PLXNA4: variants seen among roughly 807,000 people sequenced by gnomAD.
PLXNA4 encodes the protein plexin A4.
PLXNA4 carries 44 observed loss-of-function variants against 191.8 expected under a neutral mutation model. The observed-to-expected ratio is 0.23, with a 90% CI of 0.18 to 0.29. The LOEUF (loss-of-function observed/expected upper bound fraction) is 0.29. Among genes scored for constraint, PLXNA4 ranks in the 10% least tolerant of loss-of-function variants. The probability of loss-of-function intolerance (pLI) is 1.00; values close to 1 mark genes in which losing one functional copy is unlikely to be tolerated. For synonymous variants in PLXNA4, 1,082 were observed against 1,009.5 expected (o/e 1.07, Z -1.36); for missense variants, 1,800 against 2,488.8 (o/e 0.72, Z 5.89).
intron 3 of PLXNA4, among the ~76,000 whole-genome samples, chr7:132,479,271 T>TG (rs1489711937): frequency 4.3e-5 from 6 of 140,480 alleles, no homozygotes; most frequent in Non-Finnish European, 7.6e-5. Context: ...CCTATCTCTT[T>TG]GGGAAAAAAA....
chr7:132,455,159 T>C (rs1461342221), intron 3 of PLXNA4, among the ~76,000 whole-genome samples: 1 of 152,182 alleles, frequency 6.6e-6, no homozygotes, highest in African/African-American at 2.4e-5. Context: ...CTGGCAGGTA[T>C]CTGTGGTCAT....
At chr7:132,456,614 T>C (rs1303887126) in intron 3 of PLXNA4, among the ~76,000 whole-genome samples, 1 of 150,170 alleles carries the variant, frequency 6.7e-6, no homozygotes, top group Admixed American at 6.7e-5. Flanking sequence ...GACGAGAAGA[T>C]AACGACTCAG....
Position 132,125,047 on chromosome 7 carries a change from AAACT to A in PLXNA4, c.*5428_*5431del, listed in dbSNP as rs1344227597. 2 of 152,160 alleles carry A rather than the reference AAACT, an allele frequency of 1.3e-5. No homozygotes were observed. Among genetic ancestry groups the A allele is most frequent in the Non-Finnish European group, 2.9e-5 (2 of 68,018 alleles). The allele number at this position is 152,160 out of a possible 1,614,324, so 9.4% of individuals were successfully genotyped here. A position where few individuals can be genotyped will look rare whatever the true frequency, so the allele number is the denominator to read the frequency against. On this transcript the variant is annotated 3_prime_UTR_variant, in exon 32 of 32. Coordinates refer to ENST00000321063, the MANE Select transcript of PLXNA4 (RefSeq NM_020911.2). ...GCAAAAATTTGTAGTAAAAAAAAAA[AAACT>A]CTCTCTTGCATGTCTGAAACTTTTA...
intron 25 of PLXNA4, among the ~76,000 whole-genome samples, chr7:132,151,339 GAGGAGGAGGAAGAAGA>G (rs1256255146): frequency 2.1e-5 from 2 of 96,610 alleles, no homozygotes; most frequent in Non-Finnish European, 2.5e-5. Flanking sequence ...GAAGAAGGAG[GAGGAGGAGGAAGAAGA>G]AGGAGGAGGA....
chr7:132,143,615 G>T (rs556331237), intron 29 of PLXNA4, among the ~76,000 whole-genome samples: 1 of 152,316 alleles, frequency 6.6e-6, no homozygotes, highest in South Asian at 2.1e-4. Flanking sequence ...CTCACTAACA[G>T]AAGCAGATTG....
At chr7:132,453,727 A>C (rs922127909) in intron 3 of PLXNA4, among the ~76,000 whole-genome samples, 1 of 152,106 alleles carries the variant, frequency 6.6e-6, no homozygotes, top group African/African-American at 2.4e-5. Flanking sequence ...TTTTTAGTAG[A>C]GATGGGGTTT....
intron 20 of PLXNA4, among the ~76,000 whole-genome samples, chr7:132,178,733 T>TACACAC: frequency 2.5e-5 from 1 of 39,608 alleles, no homozygotes; most frequent in South Asian, 1.3e-3. Flanking sequence ...CACACACACT[T>TACACAC]GTAAATGAAA....
chr7:132,342,405 C>A (rs1025185488), intron 3 of PLXNA4, among the ~76,000 whole-genome samples: 2 of 151,622 alleles, frequency 1.3e-5, no homozygotes, highest in Non-Finnish European at 2.9e-5. Flanking sequence ...AAATAAGAAG[C>A]TTCTGTGATT....
chr7:132,372,716 A>G (rs762921442), intron 3 of PLXNA4, among the ~76,000 whole-genome samples: 2 of 152,250 alleles, frequency 1.3e-5, no homozygotes, highest in African/African-American at 4.8e-5. Flanking sequence ...TCCAGCACCT[A>G]GTAGTGTCTG....
At chr7:132,506,986 T>C (rs997756746) in intron 2 of PLXNA4, among the ~76,000 whole-genome samples, 1 of 152,190 alleles carries the variant, frequency 6.6e-6, no homozygotes, top group Non-Finnish European at 1.5e-5. Flanking sequence ...CCTAAAGACA[T>C]ACAAAGGGCT....
chr7:132,340,727 G>C (rs1223947699), intron 3 of PLXNA4, among the ~76,000 whole-genome samples: 2 of 152,236 alleles, frequency 1.3e-5, no homozygotes, highest in South Asian at 2.1e-4. Flanking sequence ...GCCCAGGCTA[G>C]AGTGCAGTGA....
At chr7:132,322,184 C>CTTTTTTTTTGTTTTTTTTTTTTTTT (rs1802195838) in intron 3 of PLXNA4, among the ~76,000 whole-genome samples, 1 of 122,520 alleles carries the variant, frequency 8.2e-6, no homozygotes, top group African/African-American at 3.0e-5. Context: ...CCTAAAAGGG[C>CTTTTTTTTTGTTTTTTTTTTTTTTT]TTTTTTTTTT....
intron 2 of PLXNA4, among the ~76,000 whole-genome samples, chr7:132,503,932 A>C (rs559961979): frequency 6.6e-6 from 1 of 152,322 alleles, no homozygotes; most frequent in South Asian, 2.1e-4. Context: ...GGGGTAAAGC[A>C]TGGCTCAGAG....
At chr7:132,615,927 ATCTCTCTCTC>A (rs370549958) in intron 2 of PLXNA4, among the ~76,000 whole-genome samples, 105 of 83,776 alleles carry the variant, frequency 1.3e-3, no homozygotes, top group African/African-American at 3.6e-3. Context: ...CAGATAAAGG[ATCTCTCTCTC>A]TCTCTCTCTC....
chr7:132,172,547 A>G (rs1796320233), intron 21 of PLXNA4, among the ~76,000 whole-genome samples: 1 of 150,230 alleles, frequency 6.7e-6, no homozygotes, highest in Admixed American at 6.7e-5. Context: ...TTAGAACACC[A>G]AGGGGGAGAA....
intron 12 of PLXNA4, among the ~76,000 whole-genome samples, chr7:132,199,635 C>T (rs1584832298): frequency 6.6e-6 from 1 of 152,140 alleles, no homozygotes; most frequent in East Asian, 1.9e-4. Context: ...ATGGAAGGAG[C>T]CCAGAGAGTC....
In PLXNA4 at chr7:132,124,123, C is replaced by T. The variant is rs1421765861; in HGVS notation, c.*6356G>A. 6.6e-6 allele frequency: 1 copy of T among 152,218 alleles called. No individual in the cohort carries two copies. The highest frequency in any genetic ancestry group is 1.5e-5 in the Non-Finnish European group (1 of 68,048). The allele number at this position is 152,218 out of a possible 1,614,324, so 9.4% of individuals were successfully genotyped here. On this transcript the variant is annotated 3_prime_UTR_variant, in exon 32 of 32. Coordinates refer to ENST00000321063, the MANE Select transcript of PLXNA4 (RefSeq NM_020911.2). ...CAGCCAACACACGACTAAGCAAAGA[C>T]CGTATGTCTCAAGGACACCAGGCCA...
intron 9 of PLXNA4, among the ~76,000 whole-genome samples, chr7:132,214,945 G>A (rs1015073266): frequency 3.3e-5 from 5 of 152,164 alleles, no homozygotes; most frequent in South Asian, 4.2e-4. Flanking sequence ...CTGGTCCGGG[G>A]TGAGTGGACA....
At position 132,129,935 on chromosome 7, in the gene PLXNA4, G is replaced by A. The variant is rs1794878121; in HGVS notation, c.*544C>T. 6.3e-6 allele frequency: 1 copy of A among 157,752 alleles called. No individual in the cohort carries two copies. The highest frequency in any genetic ancestry group is 6.1e-5 in the Admixed American group (1 of 16,484). The allele number at this position is 157,752 out of a possible 1,614,324, so 9.8% of individuals were successfully genotyped here. A position where few individuals can be genotyped will look rare whatever the true frequency, so the allele number is the denominator to read the frequency against. On this transcript the variant is annotated 3_prime_UTR_variant, in exon 32 of 32. Coordinates refer to ENST00000321063, the MANE Select transcript of PLXNA4 (RefSeq NM_020911.2). ...AGGAGGTGTAGCCTTTCTTCTCACAGCTGCAAAGCGATCAGACCACTGGCT... is the reference window on the plus strand; with the variant it reads ...AGGAGGTGTAGCCTTTCTTCTCACAACTGCAAAGCGATCAGACCACTGGCT...
Sources: allele counts gnomAD v4.1 joint callset (sites outside exome capture counted in the v4.1 genomes callset), GRCh38; gene constraint gnomAD v4.1.1; transcripts MANE v1.5; gene names NCBI Gene and HGNC (gene_info 2026-07-23, HGNC 2026-07-21).